Variants in EFHB observed in about 807,000 individuals in gnomAD.
EFHB encodes EF-hand domain family member B, also known as EF-hand domain-containing family member B.
A neutral mutation model predicts 87.2 loss-of-function variants in EFHB; 91 were observed. The observed-to-expected ratio is 1.04, with a 90% CI of 0.88 to 1.24. EFHB has a LOEUF of 1.24. Ranked by LOEUF, EFHB falls within the 50% of genes most tolerant of loss-of-function variation. The pLI, the probability that EFHB is intolerant of heterozygous loss-of-function variation, is 0.00. For missense variants in EFHB, 1,084 were observed against 998.8 expected (o/e 1.09, Z -1.15); for synonymous variants, 325 against 333.6 (o/e 0.97, Z 0.28).
At chr3:19,926,805 C>T (rs950973652) in intron 1 of EFHB, among the ~76,000 whole-genome samples, 2 of 151,910 alleles carry the variant, frequency 1.3e-5, no homozygotes, top group Non-Finnish European at 2.9e-5. Context: ...GGATTACAGG[C>T]GCCTGTCACC....
At chr3:19,904,601 A>G (rs1242856805) in intron 6 of EFHB, among the ~76,000 whole-genome samples, 1 of 152,038 alleles carries the variant, frequency 6.6e-6, no homozygotes, top group African/African-American at 2.4e-5. Flanking sequence ...ATCTTCACAT[A>G]CCTTCCCTTC....
intron 9 of EFHB, among the ~76,000 whole-genome samples, chr3:19,894,243 G>T (rs1266602699): frequency 3.3e-5 from 5 of 152,140 alleles, no homozygotes; most frequent in African/African-American, 1.2e-4. Flanking sequence ...TGCTTTCCAT[G>T]GTGTTCATAC....
Position 19,920,573 on chromosome 3 carries a change from G to A in EFHB, c.790-6C>T. Reference sequence around the variant, plus strand: ...ACTGGAATAACTTTTCCTGCCTTTGGGGGAAAAAAATGGGTTGATCATTGC... The same window carrying A: ...ACTGGAATAACTTTTCCTGCCTTTGAGGGAAAAAAATGGGTTGATCATTGC... On this transcript the variant is annotated splice_polypyrimidine_tract_variant and splice_region_variant and intron_variant, in intron 1 of 12. Coordinates refer to ENST00000295824, the MANE Select transcript of EFHB (RefSeq NM_144715.4). The A allele has an allele frequency of 6.3e-7, 1 of 1,587,746 alleles. No individual in the cohort carries two copies. The highest frequency in any genetic ancestry group is 1.2e-5 in the South Asian group (1 of 85,748).
At position 19,918,320 on chromosome 3, in the gene EFHB, T is replaced by C. The variant is rs1373192893; in HGVS notation, c.1089A>G (p.Ala363=). Residue 363 remains alanine (A), a synonymous_variant, in exon 4 of 13, where the codon GCA becomes GCG. Coordinates refer to ENST00000295824, the MANE Select transcript of EFHB (RefSeq NM_144715.4). ...KESIYLSNRR[A]PLGKSHDQAP... is the part of the protein sequence containing the mutation. Reference sequence around the variant, plus strand: ...CTTGATCGTGAGATTTTCCTAATGGTGCTCGTCGATTGCTAAGATATATAG... The same window carrying C: ...CTTGATCGTGAGATTTTCCTAATGGCGCTCGTCGATTGCTAAGATATATAG... 1.2e-6 allele frequency: 2 copies of C among 1,613,436 alleles called. No individual in the cohort carries two copies. Among genetic ancestry groups the C allele is most frequent in the Middle Eastern group, 1.6e-4 (1 of 6,082 alleles).
At chr3:19,882,191 C>T (rs59121078) in intron 12 of EFHB, among the ~76,000 whole-genome samples, 5,023 of 152,244 alleles carry the variant, frequency 0.033, 278 homozygotes, top group African/African-American at 0.11. Flanking sequence ...AAGTGACCAT[C>T]CTCATGCCCA....
chr3:19,905,732 T>G lies in EFHB; in HGVS notation c.1306A>C (p.Lys436Gln). 2 of 1,610,174 alleles carry G rather than the reference T, an allele frequency of 1.2e-6. No individual in the cohort carries two copies. Among genetic ancestry groups the G allele is most frequent in the South Asian group, 1.1e-5 (1 of 90,546 alleles). The part of the protein sequence containing the change: ...DYYAGEAKNR[K>Q]YNPSSFHRCS... ...CTATGGAAACTTGATGGGTTATACT[T>G]TCGGTTCTTTGCCTCTCCTGTGGAA... The change falls in exon 6 of 13, where the codon AAG becomes CAG. Residue 436 changes from lysine (K) to glutamine (Q), a missense_variant. By Grantham distance (53) the Lys-to-Gln change is moderately conservative. Transcript: ENST00000295824.
upstream of EFHB, chr3:19,934,259 T>C: frequency 4.2e-6 from 6 of 1,416,458 alleles, no homozygotes; most frequent in Non-Finnish European, 5.5e-6. Context: ...GGCTTGGCGC[T>C]CAAGTCCTGC....
At chr3:19,934,804 G>A (rs901751593), upstream of EFHB, among the ~76,000 whole-genome samples, 1 of 152,102 alleles carries the variant, frequency 6.6e-6, no homozygotes, top group Non-Finnish European at 1.5e-5. Flanking sequence ...GCTAAAAAAT[G>A]ACTTTAAATT....
At chr3:19,921,396 T>TAA (rs929204078) in intron 1 of EFHB, among the ~76,000 whole-genome samples, 8 of 148,788 alleles carry the variant, frequency 5.4e-5, no homozygotes, top group Non-Finnish European at 9.0e-5. Flanking sequence ...ATTGCTTTGT[T>TAA]AAAAAAAAAA....
upstream of EFHB, among the ~76,000 whole-genome samples, chr3:19,938,135 T>C (rs993590333): frequency 6.6e-6 from 1 of 152,210 alleles, no homozygotes; most frequent in African/African-American, 2.4e-5. Flanking sequence ...TCACCTGGAA[T>C]GTCTATTTTC....
intron 6 of EFHB, among the ~76,000 whole-genome samples, chr3:19,903,810 G>C (rs1694750268): frequency 1.3e-5 from 2 of 152,108 alleles, no homozygotes; most frequent in African/African-American, 2.4e-5. Flanking sequence ...TGGTGCAGTG[G>C]TTAGGGCTGC....
At chr3:19,934,461 G>GTC (rs199631772), upstream of EFHB, among the ~76,000 whole-genome samples, 1,839 of 124,746 alleles carry the variant, frequency 0.015, 32 homozygotes, top group African/African-American at 0.05. Context: ...CTCTCTGTGT[G>GTC]TCTCTCTCTC....
At chr3:19,902,983 C>G (rs948677830) in intron 6 of EFHB, among the ~76,000 whole-genome samples, 10 of 151,952 alleles carry the variant, frequency 6.6e-5, no homozygotes, top group African/African-American at 9.7e-5. Flanking sequence ...TCAAGACCAG[C>G]CTGACGATCA....
intron 9 of EFHB, among the ~76,000 whole-genome samples, chr3:19,889,210 C>T (rs138687847): frequency 9.6e-4 from 146 of 152,282 alleles, no homozygotes; most frequent in Non-Finnish European, 1.7e-3. Context: ...TGAGTATGAA[C>T]AGAGGGAAAT....
chr3:19,882,346 A>T (rs111646532), intron 12 of EFHB, among the ~76,000 whole-genome samples: 2 of 152,310 alleles, frequency 1.3e-5, no homozygotes, highest in South Asian at 2.1e-4. Context: ...GTAAAATATG[A>T]ATTTGCTCTT....
At position 19,933,285 on chromosome 3, in the gene EFHB, C is replaced by T. The variant is rs1345095075; in HGVS notation, c.734G>A (p.Arg245His). 2.5e-6 allele frequency: 4 copies of T among 1,613,962 alleles called. No individual in the cohort carries two copies. The highest frequency in any genetic ancestry group is 2.7e-5 in the African/African-American group (2 of 75,024). The change falls in exon 1 of 13, where the codon CGC (arginine) becomes CAC (histidine). Residue 245 changes from arginine (R) to histidine (H), a missense_variant. Arg to His is a conservative substitution (Grantham distance 29). Coordinates refer to ENST00000295824, the MANE Select transcript of EFHB (RefSeq NM_144715.4). ...CTTCCCAGAGTATATGGGTCTGATG[C>T]GATCTGGAGGTTCCACTCCTGATTC... ...NIESGVEPPD[R>H]IRPIYSGKFF...
intron 1 of EFHB, chr3:19,941,008 A>C: frequency 3.2e-6 from 1 of 315,368 alleles, no homozygotes; most frequent in Non-Finnish European, 6.1e-6. Context: ...CAAGAGCAAC[A>C]AATCTTGAGC....
chr3:19,894,334 C>G (rs1165203615), intron 9 of EFHB, among the ~76,000 whole-genome samples: 1 of 152,190 alleles, frequency 6.6e-6, no homozygotes, highest in Non-Finnish European at 1.5e-5. Flanking sequence ...TATGCTCTCT[C>G]AAGCCAACTC....
At chr3:19,899,300 C>G (rs1185973029) in intron 7 of EFHB, 132 bp downstream of exon 7, 1 of 643,804 alleles carries the variant, frequency 1.6e-6, no homozygotes, top group Non-Finnish European at 2.4e-6. Flanking sequence ...AACAGATTAA[C>G]TGATTAACAA....
Sources: allele counts gnomAD v4.1 joint callset (sites outside exome capture counted in the v4.1 genomes callset), GRCh38; gene constraint gnomAD v4.1.1; transcripts MANE v1.5; gene names NCBI Gene and HGNC (gene_info 2026-07-23, HGNC 2026-07-21).